Variants in SLC24A2 observed in about 807,000 individuals in gnomAD.
The protein encoded by SLC24A2 is sodium/potassium/calcium exchanger 2.
Under a neutral mutation model 62.0 loss-of-function variants are expected in SLC24A2, and 36 were observed. The ratio of observed to expected loss-of-function variants is 0.58; its 90% CI spans 0.44 to 0.77. The LOEUF is 0.77. Among genes scored for constraint, SLC24A2 ranks in the 30% least tolerant of loss-of-function variants. The probability of loss-of-function intolerance (pLI) is 0.00; values close to 1 mark genes in which losing one functional copy is unlikely to be tolerated. For missense variants in SLC24A2, 846 were observed against 817.9 expected (o/e 1.03, Z -0.42); for synonymous variants, 358 against 294.0 (o/e 1.22, Z -2.23).
chr9:19,986,153 A>G, the SLC24A2 span, among the ~76,000 whole-genome samples: 1 of 152,202 alleles, frequency 6.6e-6, no homozygotes, highest in Non-Finnish European at 1.5e-5. Context: ...CAAAAGATAT[A>G]CAAATGACCA....
At chr9:20,298,057 G>A in the SLC24A2 span, among the ~76,000 whole-genome samples, 1 of 152,166 alleles carries the variant, frequency 6.6e-6, no homozygotes, top group Non-Finnish European at 1.5e-5. Context: ...TATGGAGCAG[G>A]CAGCAGGGAG....
the SLC24A2 span, among the ~76,000 whole-genome samples, chr9:20,258,769 T>TATCA: frequency 1.1e-5 from 1 of 92,760 alleles, no homozygotes; most frequent in Non-Finnish European, 2.3e-5. Context: ...CTCATTTATC[T>TATCA]ATCTATCTAT....
At chr9:19,536,293 T>G (rs1435116353) in intron 8 of SLC24A2, among the ~76,000 whole-genome samples, 1 of 150,936 alleles carries the variant, frequency 6.6e-6, no homozygotes, top group African/African-American at 2.4e-5. Context: ...GCTGGTGTGC[T>G]GCACCCACTA....
At chr9:20,165,359 C>T in the SLC24A2 span, among the ~76,000 whole-genome samples, 3 of 151,534 alleles carry the variant, frequency 2.0e-5, no homozygotes, top group East Asian at 5.8e-4. Flanking sequence ...AGGAAAATAA[C>T]TGAAAAGGAA....
the SLC24A2 span, among the ~76,000 whole-genome samples, chr9:19,932,862 G>A: frequency 2.8e-4 from 42 of 152,270 alleles, no homozygotes; most frequent in Non-Finnish European, 4.0e-4. Context: ...ATCTCACCCC[G>A]TCCTACTCTG....
the SLC24A2 span, among the ~76,000 whole-genome samples, chr9:20,185,327 A>G: frequency 2.0e-5 from 3 of 152,184 alleles, no homozygotes; most frequent in Admixed American, 6.5e-5. Flanking sequence ...ATTGTACACA[A>G]TAAATATATA....
chr9:20,235,099 A>T, the SLC24A2 span, among the ~76,000 whole-genome samples: 1 of 152,200 alleles, frequency 6.6e-6, no homozygotes, highest in Non-Finnish European at 1.5e-5. Flanking sequence ...TTTGTCTCAG[A>T]GGAGTACCTG....
intron 7 of SLC24A2, among the ~76,000 whole-genome samples, chr9:19,566,285 T>A (rs912379250): frequency 3.0e-4 from 44 of 149,050 alleles, no homozygotes; most frequent in African/African-American, 9.9e-4. Context: ...AACAACCCCA[T>A]CAAAAAGTGG....
the SLC24A2 span, among the ~76,000 whole-genome samples, chr9:19,874,531 T>A: frequency 3.3e-5 from 5 of 152,200 alleles, no homozygotes; most frequent in East Asian, 9.6e-4. Context: ...TTGGAAATTG[T>A]ATAATGATCT....
chr9:20,029,701 A>T, the SLC24A2 span, among the ~76,000 whole-genome samples: 6 of 152,228 alleles, frequency 3.9e-5, no homozygotes, highest in Non-Finnish European at 7.3e-5. Context: ...TATGTTTATG[A>T]GTTCCATTTT....
At chr9:19,555,874 G>A (rs1402065798) in intron 7 of SLC24A2, among the ~76,000 whole-genome samples, 1 of 152,148 alleles carries the variant, frequency 6.6e-6, no homozygotes, top group African/African-American at 2.4e-5. Context: ...GAACCCGGGA[G>A]GCAGAGGTTG....
At chr9:19,581,079 C>G (rs1255111161) in intron 5 of SLC24A2, among the ~76,000 whole-genome samples, 1 of 152,158 alleles carries the variant, frequency 6.6e-6, no homozygotes, top group Non-Finnish European at 1.5e-5. Context: ...TCCTGAGTTG[C>G]TGTAGGAGAA....
At chr9:20,106,600 C>A in the SLC24A2 span, among the ~76,000 whole-genome samples, 1 of 152,138 alleles carries the variant, frequency 6.6e-6, no homozygotes, top group Non-Finnish European at 1.5e-5. Context: ...ACAAAAACCA[C>A]ATGATTATCT....
At chr9:19,563,820 TCCTTCCTCCCTCCCTCCCTCCCTC>T (rs1835529478) in intron 7 of SLC24A2, among the ~76,000 whole-genome samples, 11 of 92,988 alleles carry the variant, frequency 1.2e-4, no homozygotes, top group Non-Finnish European at 1.6e-4. Flanking sequence ...CTTCCTTCCT[TCCTTCCTCCCTCCCTCCCTCCCTC>T]CCTCCCTCCC....
chr9:19,695,251 G>C (rs1238778079), intron 2 of SLC24A2, among the ~76,000 whole-genome samples: 1 of 152,026 alleles, frequency 6.6e-6, no homozygotes, highest in African/African-American at 2.4e-5. Context: ...AATGTCAGTA[G>C]TGCCACTGTA....
intron 2 of SLC24A2, among the ~76,000 whole-genome samples, chr9:19,625,829 G>A (rs551809803): frequency 9.2e-5 from 14 of 151,964 alleles, no homozygotes; most frequent in Admixed American, 2.0e-4. Flanking sequence ...TGGGATTACA[G>A]GTGCCCGCCA....
intron 2 of SLC24A2, among the ~76,000 whole-genome samples, chr9:19,732,981 G>C (rs1420805108): frequency 1.3e-5 from 2 of 152,016 alleles, no homozygotes; most frequent in Non-Finnish European, 2.9e-5. Context: ...GCTAGAGGGA[G>C]GTATCCCTTA....
At chr9:20,146,012 A>G in the SLC24A2 span, among the ~76,000 whole-genome samples, 6 of 152,192 alleles carry the variant, frequency 3.9e-5, no homozygotes, top group South Asian at 1.2e-3. Context: ...AAATAATTAT[A>G]ATATCTTTTA....
chr9:19,709,614 A>G (rs1820651207), intron 2 of SLC24A2, among the ~76,000 whole-genome samples: 1 of 151,894 alleles, frequency 6.6e-6, no homozygotes. Context: ...AGGGACATGG[A>G]TGAAACTGGA....
Sources: allele counts gnomAD v4.1 joint callset (sites outside exome capture counted in the v4.1 genomes callset), GRCh38; gene constraint gnomAD v4.1.1; transcripts MANE v1.5; gene names NCBI Gene and HGNC (gene_info 2026-07-23, HGNC 2026-07-21).